ETV1: variants seen among roughly 807,000 people sequenced by gnomAD.
The protein encoded by ETV1 is ETS variant transcription factor 1, also known as ETS translocation variant 1.
ETV1 carries 27 observed loss-of-function variants against 62.3 expected under a neutral mutation model. The observed-to-expected ratio is 0.43, with a 90% CI of 0.32 to 0.60. The LOEUF (loss-of-function observed/expected upper bound fraction) is 0.60, where lower values mean the gene tolerates loss of function less well. ETV1 is among the 20% of genes least tolerant of loss of function. The pLI, the probability that ETV1 is intolerant of heterozygous loss-of-function variation, is 0.06. For synonymous variants in ETV1, 222 were observed against 199.6 expected (o/e 1.11, Z -0.94); for missense variants, 605 against 605.8 (o/e 1.00, Z 0.01).
chr7:13,987,742 T>C (rs1782674663), intron 4 of ETV1, among the ~76,000 whole-genome samples: 1 of 152,238 alleles, frequency 6.6e-6, no homozygotes, highest in South Asian at 2.1e-4. Flanking sequence ...ACATAGCTGC[T>C]GAATTTGTCC....
chr7:13,945,947 C>T (rs1283492370), intron 6 of ETV1, among the ~76,000 whole-genome samples: 2 of 152,172 alleles, frequency 1.3e-5, no homozygotes, highest in South Asian at 2.1e-4. Flanking sequence ...TCGTTGAACA[C>T]GGCTCCAGCC....
At chr7:13,966,942 T>C (rs1780352662) in intron 6 of ETV1, among the ~76,000 whole-genome samples, 1 of 152,158 alleles carries the variant, frequency 6.6e-6, no homozygotes, top group African/African-American at 2.4e-5. Flanking sequence ...ACACATTTGT[T>C]GAATGAATAA....
chr7:13,977,626 T>A, intron 5 of ETV1, 146 bp from the exon 6 acceptor site: 1 of 623,236 alleles, frequency 1.6e-6, no homozygotes, highest in South Asian at 2.1e-5. Flanking sequence ...TTTAAAATGG[T>A]ATTGACAACA....
At chr7:13,920,367 TGG>T (rs1363971406) in intron 9 of ETV1, among the ~76,000 whole-genome samples, 2 of 152,176 alleles carry the variant, frequency 1.3e-5, no homozygotes, top group African/African-American at 4.8e-5. Context: ...TCCAGTCAAC[TGG>T]CATAAGCAGC....
chr7:13,970,304 A>AAAG (rs1780764162), intron 6 of ETV1, among the ~76,000 whole-genome samples: 4 of 144,890 alleles, frequency 2.8e-5, no homozygotes, highest in South Asian at 2.2e-4. Flanking sequence ...ACACACACAC[A>AAAG]CACACACACA....
intron 13 of ETV1, among the ~76,000 whole-genome samples, chr7:13,898,315 G>T (rs1361980838): frequency 1.3e-5 from 2 of 152,122 alleles, no homozygotes; most frequent in Non-Finnish European, 2.9e-5. Context: ...TGCTTTCAAT[G>T]GCTGGATATT....
At chr7:13,917,819 C>T (rs146477801) in intron 9 of ETV1, among the ~76,000 whole-genome samples, 7,857 of 151,832 alleles carry the variant, frequency 0.052, 230 homozygotes, top group South Asian at 0.11. Context: ...AAAAAATTAG[C>T]CGGGCGTGGT....
At chr7:13,952,159 G>A (rs546553714) in intron 6 of ETV1, among the ~76,000 whole-genome samples, 2 of 152,296 alleles carry the variant, frequency 1.3e-5, no homozygotes, top group South Asian at 4.1e-4. Context: ...ATTAGGAGTC[G>A]AGTAATCTCT....
intron 6 of ETV1, among the ~76,000 whole-genome samples, chr7:13,953,684 A>G (rs114584420): frequency 0.038 from 5,806 of 151,932 alleles, 288 homozygotes; most frequent in African/African-American, 0.12. Flanking sequence ...AAAAAAAAAA[A>G]AAAGAAAGAA....
chr7:13,950,941 C>CACAA (rs796670451), intron 6 of ETV1, among the ~76,000 whole-genome samples: 5,466 of 147,122 alleles, frequency 0.037, 116 homozygotes, highest in South Asian at 0.068. Context: ...CACACACACA[C>CACAA]AATATCGAGC....
chr7:13,970,875 T>C (rs1341356742), intron 6 of ETV1, among the ~76,000 whole-genome samples: 1 of 152,196 alleles, frequency 6.6e-6, no homozygotes, highest in Non-Finnish European at 1.5e-5. Context: ...CTTCAGTTTT[T>C]TTAGAAGCAG....
At chr7:13,959,034 G>T (rs1789832528) in intron 6 of ETV1, 2 of 141,564 alleles carry the variant, frequency 1.4e-5, no homozygotes. Context: ...AATCTGTGTT[G>T]ATCTTGCTTA....
chr7:13,945,844 G>A (rs887164463), intron 6 of ETV1, among the ~76,000 whole-genome samples: 2 of 152,164 alleles, frequency 1.3e-5, no homozygotes, highest in Non-Finnish European at 1.5e-5. Context: ...TTCCCACATG[G>A]AGTTGGTGCA....
chr7:13,928,878 G>A (rs948811960), intron 9 of ETV1, among the ~76,000 whole-genome samples: 7 of 151,952 alleles, frequency 4.6e-5, no homozygotes, highest in African/African-American at 1.5e-4. Flanking sequence ...GAATTGCTTG[G>A]ACCCGGGGGT....
rs1424792522 is a variant in ETV1, at chr7:13,939,125, G to C, written c.357C>G (p.Tyr119Ter). The C allele has an allele frequency of 6.2e-7, 1 of 1,612,592 alleles. No homozygotes were observed. Among genetic ancestry groups the C allele is most frequent in the Non-Finnish European group, 8.5e-7 (1 of 1,179,482 alleles). Residue 119 changes from tyrosine to a stop codon, truncating the protein, a stop_gained, in exon 7 of 14, where the codon TAC becomes TAG. Coordinates refer to ENST00000430479, the MANE Select transcript of ETV1 (RefSeq NM_004956.5). LOFTEE classifies it high-confidence loss of function. ...FKFSYGEKCL[Y>*]NVSAYDQKPQ... The stretch of plus-strand genomic sequence containing the variant: ...ACACCTGGTGGCTTTACCTGACATT[G>C]TACAGGCACTTTTCTCCATAGCTGA...
intron 6 of ETV1, among the ~76,000 whole-genome samples, chr7:13,952,650 C>T (rs1023979706): frequency 6.6e-6 from 1 of 152,122 alleles, no homozygotes; most frequent in African/African-American, 2.4e-5. Context: ...CGGGGACCCC[C>T]CACTTTTCAG....
At chr7:13,929,411 T>C (rs1785823131) in intron 9 of ETV1, among the ~76,000 whole-genome samples, 1 of 152,204 alleles carries the variant, frequency 6.6e-6, no homozygotes, top group South Asian at 2.1e-4. Context: ...CTGTATACCA[T>C]AACAACCTCT....
chr7:13,970,843 G>C (rs1216216456), intron 6 of ETV1, among the ~76,000 whole-genome samples: 9 of 151,784 alleles, frequency 5.9e-5, no homozygotes, highest in Non-Finnish European at 1.3e-4. Flanking sequence ...TATTCAGTCA[G>C]GGTCTACACA....
At chr7:13,928,821 G>A (rs917507171) in intron 9 of ETV1, among the ~76,000 whole-genome samples, 2 of 152,100 alleles carry the variant, frequency 1.3e-5, no homozygotes, top group East Asian at 1.9e-4. Context: ...AGCCGGGTGT[G>A]GTGGTGGGTG....
Sources: allele counts gnomAD v4.1 joint callset (sites outside exome capture counted in the v4.1 genomes callset), GRCh38; gene constraint gnomAD v4.1.1; transcripts MANE v1.5; gene names NCBI Gene and HGNC (gene_info 2026-07-23, HGNC 2026-07-21).